CEP43: variants seen among roughly 807,000 people sequenced by gnomAD.
CEP43 encodes centrosomal protein 43, also known as FGFR1 oncogene partner.
Under a neutral mutation model 52.6 loss-of-function variants are expected in CEP43, and 36 were observed. That is an observed-to-expected ratio of 0.68 (90% CI 0.52 to 0.90). The LOEUF is 0.90. Among genes scored for constraint, CEP43 ranks in the 40% least tolerant of loss-of-function variants. The pLI is 0.00. For synonymous variants in CEP43, 192 were observed against 172.4 expected (o/e 1.11, Z -0.89); for missense variants, 506 against 472.8 (o/e 1.07, Z -0.65).
chr6:167,039,939 G>T lies in CEP43; in HGVS notation c.1161G>T (p.Gln387His). The T allele has an allele frequency of 6.2e-7, 1 of 1,613,646 alleles. No homozygotes were observed. Among genetic ancestry groups the T allele is most frequent in the African/African-American group, 1.3e-5 (1 of 74,980 alleles). Residue 387 changes from glutamine (Q) to histidine (H), a missense_variant, in exon 13 of 13, where the codon CAG becomes CAT. Transcript: ENST00000366847. ...TCACACAAGATCTGACTGTATCCCA[G>T]CTCAGTGATGTTGCGGATTATCTGG... Reference protein sequence around the residue: ...DDLTQDLTVSQLSDVADYLED... With the variant: ...DDLTQDLTVSHLSDVADYLED...
At chr6:167,031,095 A>G (rs1269862604) in intron 10 of CEP43, among the ~76,000 whole-genome samples, 1 of 152,106 alleles carries the variant, frequency 6.6e-6, no homozygotes, top group Non-Finnish European at 1.5e-5. Context: ...AATAAAATAA[A>G]TTTTTAATTT....
intron 7 of CEP43, among the ~76,000 whole-genome samples, chr6:167,017,025 T>G (rs1780117317): frequency 6.9e-6 from 1 of 144,178 alleles, no homozygotes; most frequent in South Asian, 2.1e-4. Flanking sequence ...AGATGGAGTC[T>G]CTCTCTGTCG....
chr6:167,052,492 A>G lies in CEP43; in HGVS notation c.*12514A>G, dbSNP rs1380121496. ...AAGATGAAATCCCCCTCTTCCCTGC[A>G]TCTTATTAGAACAGTGTATCCTGGA... On this transcript the variant is annotated 3_prime_UTR_variant, in exon 13 of 13. Transcript: ENST00000366847. 1.3e-5 allele frequency: 2 copies of G among 152,170 alleles called. No homozygotes were observed. Among genetic ancestry groups the G allele is most frequent in the Non-Finnish European group, 2.9e-5 (2 of 68,042 alleles). 9.4% of individuals were successfully genotyped at this position (152,170 alleles called of 1,614,324 possible). A position where few individuals can be genotyped will look rare whatever the true frequency, so the allele number is the denominator to read the frequency against.
chr6:167,022,348 T>A (rs912354189), intron 7 of CEP43, 61 bp from the exon 8 acceptor site: 15 of 1,214,784 alleles, frequency 1.2e-5, no homozygotes, highest in Admixed American at 4.2e-5. Flanking sequence ...CTTTTATTAT[T>A]GAAAATATCT....
chr6:167,048,564 A>G lies in CEP43; in HGVS notation c.*8586A>G, dbSNP rs1780832591. 1 of 152,150 alleles carries G rather than the reference A, an allele frequency of 6.6e-6. No individual in the cohort carries two copies. The highest frequency in any genetic ancestry group is 2.4e-5 in the African/African-American group (1 of 41,420). 9.4% of individuals were successfully genotyped at this position (152,150 alleles called of 1,614,324 possible). Reference sequence around the variant, plus strand: ...TCAAAAAAAAGAACTAATTGTAACAAACTATCTTTCAAATTATATCAAAAC... The same window carrying G: ...TCAAAAAAAAGAACTAATTGTAACAGACTATCTTTCAAATTATATCAAAAC... On this transcript the variant is annotated 3_prime_UTR_variant, in exon 13 of 13. Transcript: ENST00000366847.
At chr6:167,011,596 C>T (rs1158166430) in intron 6 of CEP43, 1 of 152,164 alleles carries the variant, frequency 6.6e-6, no homozygotes, top group Non-Finnish European at 1.5e-5. Context: ...GCGGTCTTAC[C>T]AAAGGATAGG....
chr6:167,029,647 C>G (rs1302337677), intron 10 of CEP43, among the ~76,000 whole-genome samples: 1 of 152,210 alleles, frequency 6.6e-6, no homozygotes, highest in South Asian at 2.1e-4. Context: ...ACCAAGAAGT[C>G]AGAATCTGAT....
intron 9 of CEP43, 75 bp from the exon 10 acceptor site, chr6:167,026,472 C>A: frequency 1.1e-6 from 1 of 927,376 alleles, no homozygotes; most frequent in Non-Finnish European, 1.8e-6. Flanking sequence ...TATTGAACAA[C>A]GACAAAAATT....
chr6:167,033,137 G>A (rs1189385142), intron 11 of CEP43, among the ~76,000 whole-genome samples: 13 of 106,844 alleles, frequency 1.2e-4, no homozygotes, highest in African/African-American at 2.6e-4. Context: ...TTGAGACAGA[G>A]TCTCACTCTG....
At chr6:167,026,496 G>A in intron 9 of CEP43, 51 bp from the exon 10 acceptor site, 1 of 1,143,012 alleles carries the variant, frequency 8.7e-7, no homozygotes, top group Non-Finnish European at 1.3e-6. Context: ...GTGGTTTAGA[G>A]ACTGTTATAT....
chr6:167,010,457 C>T (rs1240761892), intron 5 of CEP43, among the ~76,000 whole-genome samples: 1 of 151,934 alleles, frequency 6.6e-6, no homozygotes, highest in Non-Finnish European at 1.5e-5. Context: ...TCAAGGAGGG[C>T]AAAAAGTAGA....
rs1311765873 is a variant in CEP43 at position 167,049,157 on chromosome 6, CG to C, written c.*9180del. On this transcript the variant is annotated 3_prime_UTR_variant, in exon 13 of 13. Coordinates refer to ENST00000366847, the MANE Select transcript of CEP43 (RefSeq NM_007045.4). ...TATCTTAGTTTTCTGGATTTTGTGA[CG>C]TTTGTGGTATTTGTCAGATTTTTAA... 6.6e-6 allele frequency: 1 copy of C among 152,140 alleles called. No individual in the cohort carries two copies. Among genetic ancestry groups the C allele is most frequent in the Admixed American group, 6.5e-5 (1 of 15,280 alleles). The allele number at this position is 152,140 out of a possible 1,614,324, so 9.4% of individuals were successfully genotyped here.
chr6:167,043,375 C>CTTTTTTT lies in CEP43; in HGVS notation c.*3413_*3419dup, dbSNP rs71032898. On this transcript the variant is annotated 3_prime_UTR_variant, in exon 13 of 13. Coordinates refer to ENST00000366847, the MANE Select transcript of CEP43 (RefSeq NM_007045.4). ...TCCGTGCTCCCAGTGTCCCTGTCCT[C>CTTTTTTT]TTTTTTTTTTTTTTTTTTTTTTGAG... 4 of 86,352 alleles carry CTTTTTTT rather than the reference C, an allele frequency of 4.6e-5. No individual in the cohort carries two copies. Among genetic ancestry groups the CTTTTTTT allele is most frequent in the African/African-American group, 1.9e-4 (4 of 20,692 alleles). The allele number at this position is 86,352 out of a possible 1,614,324, so 5.3% of individuals were successfully genotyped here.
chr6:167,017,348 A>G (rs1045727090), intron 7 of CEP43, among the ~76,000 whole-genome samples: 3 of 152,168 alleles, frequency 2.0e-5, no homozygotes, highest in Non-Finnish European at 4.4e-5. Context: ...ATAGCATTAC[A>G]TTTATTAGGT....
At chr6:167,016,124 A>G (rs1389383123) in intron 7 of CEP43, among the ~76,000 whole-genome samples, 2 of 151,028 alleles carry the variant, frequency 1.3e-5, no homozygotes, top group East Asian at 3.9e-4. Context: ...CTACTAGCTT[A>G]GGTTTTTACC....
intron 5 of CEP43, among the ~76,000 whole-genome samples, chr6:167,004,769 A>G (rs995321462): frequency 6.6e-6 from 1 of 152,222 alleles, no homozygotes; most frequent in African/African-American, 2.4e-5. Context: ...GCATAAGCCA[A>G]CAGAAGCACT....
At chr6:167,009,898 A>G in intron 5 of CEP43, among the ~76,000 whole-genome samples, 1 of 152,176 alleles carries the variant, frequency 6.6e-6, no homozygotes, top group Non-Finnish European at 1.5e-5. Context: ...TTGAGAATCA[A>G]CAAGACTTGG....
rs1217271732 is a variant in CEP43 at position 167,051,751 on chromosome 6, A to G, written c.*11773A>G. The stretch of plus-strand genomic sequence containing the variant: ...TTTTTGTCTGTTTGACTTAAAGTCT[A>G]TTTTGTTTGATATTAGCATAGCTAT... On this transcript the variant is annotated 3_prime_UTR_variant, in exon 13 of 13. Coordinates refer to ENST00000366847, the MANE Select transcript of CEP43 (RefSeq NM_007045.4). The G allele has an allele frequency of 1.3e-5, 2 of 152,120 alleles. No homozygotes were observed. Among genetic ancestry groups the G allele is most frequent in the African/African-American group, 2.4e-5 (1 of 41,426 alleles). 9.4% of individuals were successfully genotyped at this position (152,120 alleles called of 1,614,324 possible).
At chr6:167,014,699 G>A (rs953300185) in intron 7 of CEP43, among the ~76,000 whole-genome samples, 4 of 152,060 alleles carry the variant, frequency 2.6e-5, no homozygotes, top group African/African-American at 4.8e-5. Flanking sequence ...TGTTCACACT[G>A]TTCTTTATGC....
Sources: allele counts gnomAD v4.1 joint callset (sites outside exome capture counted in the v4.1 genomes callset), GRCh38; gene constraint gnomAD v4.1.1; transcripts MANE v1.5; gene names NCBI Gene and HGNC (gene_info 2026-07-23, HGNC 2026-07-21).